Variants in SLC75A1 observed in about 807,000 individuals in gnomAD.
SLC75A1 encodes the protein major facilitator superfamily domain containing 10.
the SLC75A1 span, chr4:2,932,732 G>C: frequency 6.3e-7 from 1 of 1,585,348 alleles, no homozygotes; most frequent in Non-Finnish European, 8.6e-7. Flanking sequence ...AGGTGGCCCA[G>C]ACTGCATATG....
At chr4:2,931,593 G>C in the SLC75A1 span, 1 of 1,613,372 alleles carries the variant, frequency 6.2e-7, no homozygotes, top group Non-Finnish European at 8.5e-7. Context: ...GGGTGGATCC[G>C]CCGGGCATAG....
At chr4:2,933,098 G>A in the SLC75A1 span, 6 of 1,612,814 alleles carry the variant, frequency 3.7e-6, no homozygotes, top group African/African-American at 5.3e-5. Flanking sequence ...CCAGGCCCAG[G>A]AACATACCAG....
At chr4:2,932,339 C>T in the SLC75A1 span, 1 of 1,610,452 alleles carries the variant, frequency 6.2e-7, no homozygotes, top group Non-Finnish European at 8.5e-7. Flanking sequence ...GGGTCCCAGA[C>T]CACAGCCCTA....
the SLC75A1 span, chr4:2,933,178 C>T: frequency 6.2e-7 from 1 of 1,613,726 alleles, no homozygotes; most frequent in East Asian, 2.2e-5. Context: ...CACACAGAAA[C>T]TGCAGGACAG....
the SLC75A1 span, chr4:2,931,839 G>T: frequency 3.7e-6 from 6 of 1,604,212 alleles, no homozygotes; most frequent in East Asian, 9.0e-5. Context: ...TGAACTGGAA[G>T]CGCTGGTGTG....
the SLC75A1 span, chr4:2,932,385 C>T: frequency 6.2e-7 from 1 of 1,613,524 alleles, no homozygotes; most frequent in South Asian, 1.1e-5. Flanking sequence ...TGGCAGGAAG[C>T]AGAAGATGAA....
At chr4:2,931,050 C>A in the SLC75A1 span, 1 of 1,608,158 alleles carries the variant, frequency 6.2e-7, no homozygotes, top group Non-Finnish European at 8.5e-7. Flanking sequence ...AGCACCATCC[C>A]GCGCCCTCAC....
chr4:2,932,173 G>C, the SLC75A1 span: 1 of 1,587,958 alleles, frequency 6.3e-7, no homozygotes, highest in Non-Finnish European at 8.5e-7. Flanking sequence ...TGGCATTGGA[G>C]AGCCTGCAGG....
chr4:2,933,817 AG>A, the SLC75A1 span: 5 of 1,590,102 alleles, frequency 3.1e-6, no homozygotes, highest in Non-Finnish European at 4.3e-6. Context: ...GAAGGCCAGG[AG>A]GTCCAGCAGG....
chr4:2,934,078 C>G, the SLC75A1 span: 33 of 808,156 alleles, frequency 4.1e-5, no homozygotes, highest in African/African-American at 1.6e-4. Context: ...ACGCAGGGGC[C>G]GTTCTGGCCT....
the SLC75A1 span, chr4:2,931,705 C>T: frequency 5.6e-5 from 89 of 1,584,182 alleles, no homozygotes; most frequent in Non-Finnish European, 7.5e-5. Context: ...GGGGCAGGGC[C>T]ACCCAGGGCA....
the SLC75A1 span, chr4:2,932,794 C>A: frequency 2.6e-6 from 4 of 1,530,748 alleles, no homozygotes; most frequent in South Asian, 3.9e-5. Flanking sequence ...CAGGGGCGGT[C>A]GCTTAAGGCC....
At chr4:2,931,432 T>G in the SLC75A1 span, 4 of 1,558,642 alleles carry the variant, frequency 2.6e-6, no homozygotes, top group East Asian at 4.8e-5. Context: ...CCCCAGCCGA[T>G]GAGGAGGAAG....
chr4:2,933,617 G>A, the SLC75A1 span: 2 of 1,613,380 alleles, frequency 1.2e-6, no homozygotes, highest in Non-Finnish European at 1.7e-6. Context: ...CCCGATGGCG[G>A]TGGCAAACCA....
At chr4:2,931,051 G>A in the SLC75A1 span, 149 of 1,608,010 alleles carry the variant, frequency 9.3e-5, no homozygotes, top group Non-Finnish European at 1.2e-4. Context: ...GCACCATCCC[G>A]CGCCCTCACC....
At chr4:2,933,509 C>G in the SLC75A1 span, 2 of 1,554,792 alleles carry the variant, frequency 1.3e-6, no homozygotes, top group Non-Finnish European at 1.8e-6. Flanking sequence ...TGGGCTGGAC[C>G]ACGTCCACCA....
At chr4:2,934,238 G>A in the SLC75A1 span, 2 of 353,312 alleles carry the variant, frequency 5.7e-6, no homozygotes, top group African/African-American at 2.2e-5. Context: ...CGCCTCCCAC[G>A]CCCTCGTAAC....
the SLC75A1 span, chr4:2,933,329 C>T: frequency 1.9e-6 from 2 of 1,066,022 alleles, no homozygotes; most frequent in South Asian, 3.0e-5. Flanking sequence ...CCTACACTCA[C>T]AGGCCATGGC....
the SLC75A1 span, chr4:2,932,852 C>T: frequency 2.0e-5 from 29 of 1,447,498 alleles, no homozygotes; most frequent in Non-Finnish European, 2.3e-5. Flanking sequence ...CACCCCTCAA[C>T]CCTGCCCTAT....
Sources: gnomAD v4.1 joint callset for allele counts on GRCh38, gnomAD v4.1.1 for gene constraint, MANE v1.5 for transcripts, NCBI Gene and HGNC (gene_info 2026-07-23, HGNC 2026-07-21) for gene names.